The following PDE3A variants were observed in gnomAD, a reference collection of about 807,000 sequenced individuals.
PDE3A encodes the protein phosphodiesterase 3A, also known as cGMP-inhibited 3',5'-cyclic phosphodiesterase 3A.
In PDE3A, 43 loss-of-function variants were observed where a neutral mutation model predicts 98.3. The ratio of observed to expected loss-of-function variants is 0.44; its 90% confidence interval spans 0.34 to 0.56. The LOEUF (loss-of-function observed/expected upper bound fraction) is 0.56, where lower values mean the gene tolerates loss of function less well. Among genes scored for constraint, PDE3A ranks in the 20% least tolerant of loss-of-function variants. The pLI is 0.01. For synonymous variants in PDE3A, 663 were observed against 567.9 expected (o/e 1.17, Z -2.38); for missense variants, 1,427 against 1,440.7 (o/e 0.99, Z 0.15).
chr12:20,680,301 C>T lies in PDE3A; in HGVS notation c.*30C>T. On this transcript the variant is annotated 3_prime_UTR_variant, in exon 16 of 16. Transcript: ENST00000359062. ...GGATAGAATGGGCTGTGTTTCCAAA[C>T]AGATTGACTTGTCAAAGACTCTCTT... 1 of 1,609,636 alleles carries T rather than the reference C, an allele frequency of 6.2e-7. No individual in the cohort carries two copies. The highest frequency in any genetic ancestry group is 2.2e-5 in the East Asian group (1 of 44,818).
At chr12:20,448,751 G>GTTTTTTTTTTTTTTTTTTTTTT (rs1265923346) in intron 1 of PDE3A, among the ~76,000 whole-genome samples, 3 of 134,328 alleles carry the variant, frequency 2.2e-5, no homozygotes, top group East Asian at 2.6e-4. Flanking sequence ...TTTATTTTAA[G>GTTTTTTTTTTTTTTTTTTTTTT]GTTTTTTTTT....
At chr12:20,561,452 A>G (rs1325200932) in intron 2 of PDE3A, among the ~76,000 whole-genome samples, 4 of 152,208 alleles carry the variant, frequency 2.6e-5, no homozygotes, top group Non-Finnish European at 4.4e-5. Flanking sequence ...AACTTGCTTG[A>G]TTCCTGCCCA....
chr12:20,486,007 T>A (rs1333139493), intron 1 of PDE3A, among the ~76,000 whole-genome samples: 1 of 152,218 alleles, frequency 6.6e-6, no homozygotes, highest in East Asian at 1.9e-4. Context: ...GTGTTTCTCC[T>A]AATAAAATCC....
chr12:20,381,091 C>G (rs966947510), intron 1 of PDE3A, among the ~76,000 whole-genome samples: 1 of 151,710 alleles, frequency 6.6e-6, no homozygotes, highest in African/African-American at 2.4e-5. Flanking sequence ...GTCCACTTCT[C>G]GTCATTCCTT....
chr12:20,502,594 A>G (rs562382845), intron 1 of PDE3A, among the ~76,000 whole-genome samples: 8 of 152,280 alleles, frequency 5.3e-5, no homozygotes, highest in African/African-American at 1.7e-4. Flanking sequence ...GGTCTAGCAA[A>G]TAGAATGCAT....
intron 1 of PDE3A, among the ~76,000 whole-genome samples, chr12:20,454,715 G>T (rs1945125481): frequency 6.6e-6 from 1 of 152,048 alleles, no homozygotes. Flanking sequence ...TCATAAGTGA[G>T]AACATGTGGT....
At chr12:20,620,137 C>T (rs1213151009) in intron 4 of PDE3A, among the ~76,000 whole-genome samples, 2 of 151,984 alleles carry the variant, frequency 1.3e-5, no homozygotes, top group African/African-American at 4.8e-5. Flanking sequence ...AGCTCTGGAA[C>T]CTCTCCAAAT....
chr12:20,513,484 T>G (rs113815043), intron 1 of PDE3A, among the ~76,000 whole-genome samples: 2 of 152,300 alleles, frequency 1.3e-5, no homozygotes, highest in African/African-American at 4.8e-5. Context: ...GACATATACT[T>G]TCTCTGGAGA....
At chr12:20,504,283 A>G (rs1303739937) in intron 1 of PDE3A, among the ~76,000 whole-genome samples, 1 of 152,056 alleles carries the variant, frequency 6.6e-6, no homozygotes, top group African/African-American at 2.4e-5. Context: ...TGAAAAAGCT[A>G]TTCACTCCTG....
intron 1 of PDE3A, among the ~76,000 whole-genome samples, chr12:20,554,332 A>G (rs1490894324): frequency 6.6e-6 from 1 of 150,750 alleles, no homozygotes; most frequent in African/African-American, 2.4e-5. Flanking sequence ...CAGATTTTAG[A>G]TTCTCAGAAT....
chr12:20,462,198 G>T (rs1050708033), intron 1 of PDE3A, among the ~76,000 whole-genome samples: 1 of 152,152 alleles, frequency 6.6e-6, no homozygotes, highest in African/African-American at 2.4e-5. Context: ...ATTAAAAATT[G>T]AACTACTAGA....
intron 1 of PDE3A, among the ~76,000 whole-genome samples, chr12:20,474,401 T>C (rs73232268): frequency 0.061 from 9,336 of 152,258 alleles, 940 homozygotes; most frequent in African/African-American, 0.21. Context: ...TTTAAAGTGA[T>C]TTTTAGGACA....
chr12:20,531,084 G>A (rs1250473898), intron 1 of PDE3A, among the ~76,000 whole-genome samples: 1 of 152,142 alleles, frequency 6.6e-6, no homozygotes, highest in Non-Finnish European at 1.5e-5. Context: ...ACATAGTTAT[G>A]ACACCTACAC....
At chr12:20,606,977 T>C (rs558369181) in intron 2 of PDE3A, among the ~76,000 whole-genome samples, 7 of 152,256 alleles carry the variant, frequency 4.6e-5, no homozygotes, top group African/African-American at 1.7e-4. Flanking sequence ...CATCAGACTT[T>C]CTGGGCCTTT....
At chr12:20,481,579 G>GCCT in intron 1 of PDE3A, among the ~76,000 whole-genome samples, 1 of 152,014 alleles carries the variant, frequency 6.6e-6, no homozygotes, top group Middle Eastern at 3.4e-3. Flanking sequence ...TACATATAGA[G>GCCT]TAACACAATG....
intron 1 of PDE3A, among the ~76,000 whole-genome samples, chr12:20,386,082 A>T (rs1366277383): frequency 3.7e-5 from 1 of 27,388 alleles, no homozygotes; most frequent in Non-Finnish European, 7.6e-5. Context: ...AATATATATA[A>T]ATATATAAAT....
chr12:20,591,471 G>A (rs1019397901), intron 2 of PDE3A, among the ~76,000 whole-genome samples: 3 of 152,210 alleles, frequency 2.0e-5, no homozygotes, highest in African/African-American at 7.2e-5. Flanking sequence ...AATGCTCATG[G>A]CTTGTTCCAG....
At chr12:20,572,203 T>C (rs755437095) in intron 2 of PDE3A, 253 of 999,808 alleles carry the variant, frequency 2.5e-4, no homozygotes, top group Non-Finnish European at 3.3e-4. Flanking sequence ...TATAATGATT[T>C]TCAACAGAAA....
intron 1 of PDE3A, among the ~76,000 whole-genome samples, chr12:20,526,153 G>A (rs1946513491): frequency 6.6e-6 from 1 of 152,080 alleles, no homozygotes; most frequent in East Asian, 1.9e-4. Flanking sequence ...CACACTTGAG[G>A]GGTGAGACAT....
Sources: allele counts gnomAD v4.1 joint callset (sites outside exome capture counted in the v4.1 genomes callset), GRCh38; gene constraint gnomAD v4.1.1; transcripts MANE v1.5; gene names NCBI Gene and HGNC (gene_info 2026-07-23, HGNC 2026-07-21).